The following SLC9A8 variants were observed in gnomAD, a reference collection of about 807,000 sequenced individuals.
The protein encoded by SLC9A8 is sodium/hydrogen exchanger 8.
A neutral mutation model predicts 66.6 loss-of-function variants in SLC9A8; 48 were observed. The observed-to-expected ratio is 0.72, with a 90% CI of 0.57 to 0.92. The LOEUF (loss-of-function observed/expected upper bound fraction) is 0.92, where lower values mean the gene tolerates loss of function less well. Ranked by LOEUF, SLC9A8 falls within the 40% of genes least tolerant of loss-of-function variation. SLC9A8 has a pLI of 0.00. For missense variants in SLC9A8, 599 were observed against 747.3 expected, an observed-to-expected ratio of 0.80 and a Z score of 2.31; for synonymous variants, 274 against 282.6, an observed-to-expected ratio of 0.97 and a Z score of 0.31.
chr20:49,873,210 A>G (rs2089280037), intron 10 of SLC9A8, among the ~76,000 whole-genome samples: 1 of 152,174 alleles, frequency 6.6e-6, no homozygotes, highest in Non-Finnish European at 1.5e-5. Context: ...AGCTGGGTGC[A>G]GTGGCTCACA....
At chr20:49,841,031 G>A (rs2087734633) in intron 4 of SLC9A8, among the ~76,000 whole-genome samples, 1 of 151,748 alleles carries the variant, frequency 6.6e-6, no homozygotes, top group Non-Finnish European at 1.5e-5. Flanking sequence ...TTGGGCGGGT[G>A]CGGTGGCTCA....
At chr20:49,825,328 G>A (rs1010610220) in intron 3 of SLC9A8, among the ~76,000 whole-genome samples, 3 of 152,052 alleles carry the variant, frequency 2.0e-5, no homozygotes, top group African/African-American at 7.2e-5. Context: ...TCCATTCAAG[G>A]GACAAAACCC....
At chr20:49,830,426 C>A in intron 3 of SLC9A8, 1 of 831,554 alleles carries the variant, frequency 1.2e-6, no homozygotes, top group Non-Finnish European at 2.1e-6. Context: ...TGTTGGATCC[C>A]AAGGCGGCCA....
intron 5 of SLC9A8, among the ~76,000 whole-genome samples, chr20:49,848,879 G>A (rs2088123006): frequency 6.6e-6 from 1 of 152,120 alleles, no homozygotes; most frequent in Admixed American, 6.5e-5. Context: ...TCCATCTGAC[G>A]GGCATTATGT....
intron 3 of SLC9A8, chr20:49,829,927 G>C: frequency 1.7e-6 from 1 of 581,938 alleles, no homozygotes; most frequent in Non-Finnish European, 3.4e-6. Flanking sequence ...GAATCCAAGA[G>C]CAAAGTCCCC....
intron 10 of SLC9A8, among the ~76,000 whole-genome samples, chr20:49,868,288 C>A (rs1280435826): frequency 6.6e-6 from 1 of 152,200 alleles, no homozygotes; most frequent in African/African-American, 2.4e-5. Flanking sequence ...GGACCTTGCT[C>A]CACACACAGC....
At chr20:49,863,157 C>A in intron 9 of SLC9A8, 90 bp downstream of exon 9, 1 of 1,199,546 alleles carries the variant, frequency 8.3e-7, no homozygotes. Context: ...TTAAGGGGGC[C>A]AATTTTAGAT....
At chr20:49,876,162 G>A (rs1311179612) in intron 11 of SLC9A8, among the ~76,000 whole-genome samples, 1 of 152,166 alleles carries the variant, frequency 6.6e-6, no homozygotes, top group African/African-American at 2.4e-5. Flanking sequence ...CTTGCCCATG[G>A]TCTCATGGCC....
intron 3 of SLC9A8, chr20:49,831,046 C>T: frequency 2.8e-6 from 2 of 724,258 alleles, no homozygotes; most frequent in Non-Finnish European, 5.1e-6. Flanking sequence ...TGGACCAGTC[C>T]AACAATATGT....
chr20:49,833,668 C>T (rs771897205), intron 3 of SLC9A8, among the ~76,000 whole-genome samples: 9 of 152,164 alleles, frequency 5.9e-5, no homozygotes, highest in Non-Finnish European at 1.0e-4. Context: ...CCCGAGCCAA[C>T]GGGCCAGCAT....
At position 49,846,412 on chromosome 20, in the gene SLC9A8, C is replaced by T. The variant is rs116149732; in HGVS notation, c.432+1293C>T. Reference sequence around the variant, plus strand: ...AACACAGATCTAATCATGCGCTGCCCCCTACAGGTTTCTTTTTGGTAAAGT... The same window carrying T: ...AACACAGATCTAATCATGCGCTGCCTCCTACAGGTTTCTTTTTGGTAAAGT... On this transcript the variant is annotated intron_variant, in intron 5 of 15. Coordinates refer to ENST00000361573, the MANE Select transcript of SLC9A8 (RefSeq NM_015266.3). Among the ~76,000 whole-genome samples the T allele has an allele frequency of 4.1e-3, 627 of 151,298 alleles. 3 individuals carry two copies. Among genetic ancestry groups the T allele is most frequent in the African/African-American group, 0.015 (607 of 41,154 alleles).
chr20:49,839,451 C>CA (rs2087674925), intron 3 of SLC9A8, 90 bp from the exon 4 acceptor site: 1 of 829,314 alleles, frequency 1.2e-6, no homozygotes. Flanking sequence ...CACATGTCGT[C>CA]AGGACCTCCT....
At chr20:49,831,901 C>T (rs1281358487) in intron 3 of SLC9A8, among the ~76,000 whole-genome samples, 1 of 152,198 alleles carries the variant, frequency 6.6e-6, no homozygotes. Flanking sequence ...CCACAGTGGG[C>T]GCTTGCCCCG....
chr20:49,887,522 C>G (rs540544786), intron 15 of SLC9A8, among the ~76,000 whole-genome samples: 10 of 152,266 alleles, frequency 6.6e-5, no homozygotes, highest in African/African-American at 2.4e-4. Context: ...GTGCAGTAAC[C>G]CCGCAAGGTC....
Position 49,820,071 on chromosome 20 carries a change from G to A in SLC9A8, c.209-2990G>A, listed in dbSNP as rs189329420. On this transcript the variant is annotated intron_variant, in intron 2 of 15. Transcript: ENST00000361573. ...ATATATACCTGCAAGTGGAATTGCCGAGTCAAACGGTTACTGTATGTTTAA... is the reference window on the plus strand; with the variant it reads ...ATATATACCTGCAAGTGGAATTGCCAAGTCAAACGGTTACTGTATGTTTAA... 6.4e-3 allele frequency among the ~76,000 whole-genome samples: 967 copies of A among 152,074 alleles called. 4 individuals carry two copies. The highest frequency in any genetic ancestry group is 0.031 in the Middle Eastern group (9 of 294).
chr20:49,855,653 T>C, intron 8 of SLC9A8, 72 bp downstream of exon 8: 1 of 1,432,078 alleles, frequency 7.0e-7, no homozygotes, highest in South Asian at 1.2e-5. Flanking sequence ...AAGGGGCAGA[T>C]ATTTCCACAC....
intron 8 of SLC9A8, among the ~76,000 whole-genome samples, chr20:49,861,495 A>G (rs544413255): frequency 3.9e-5 from 6 of 152,242 alleles, no homozygotes. Flanking sequence ...GTGAGCTGAG[A>G]TCATGCCACT....
At chr20:49,814,579 A>C (rs1185805212) in intron 1 of SLC9A8, among the ~76,000 whole-genome samples, 1 of 152,190 alleles carries the variant, frequency 6.6e-6, no homozygotes, top group East Asian at 1.9e-4. Context: ...TGCCCAGATC[A>C]ACAACTGGGC....
At chr20:49,868,226 C>G (rs1326248840) in intron 10 of SLC9A8, among the ~76,000 whole-genome samples, 7 of 152,136 alleles carry the variant, frequency 4.6e-5, no homozygotes, top group Non-Finnish European at 7.4e-5. Flanking sequence ...TTTTTCTTAC[C>G]TTCTTTTCAG....
Sources: gnomAD v4.1 joint callset for allele counts (sites outside exome capture counted in the v4.1 genomes callset) on GRCh38, gnomAD v4.1.1 for gene constraint, MANE v1.5 for transcripts, NCBI Gene and HGNC (gene_info 2026-07-23, HGNC 2026-07-21) for gene names.